The following RPL39L variants were observed in gnomAD, a reference collection of about 807,000 sequenced individuals.
RPL39L encodes the protein ribosomal protein L39 like.
For synonymous variants in RPL39L, 16 were observed against 20.1 expected (o/e 0.80, Z 0.55); for missense variants, 48 against 58.9 (o/e 0.81, Z 0.61).
At chr3:187,134,483 T>TAAAAAAAAGAAAAAAAAAAAAAAA (rs1720539115) in intron 1 of RPL39L, among the ~76,000 whole-genome samples, 2 of 93,406 alleles carry the variant, frequency 2.1e-5, no homozygotes, top group African/African-American at 8.5e-5. Context: ...GCCTGACTGA[T>TAAAAAAAAGAAAAAAAAAAAAAAA]AAAAAAAAAA....
intron 1 of RPL39L, among the ~76,000 whole-genome samples, chr3:187,137,123 C>A (rs765653582): frequency 7.2e-6 from 1 of 139,514 alleles, no homozygotes; most frequent in Non-Finnish European, 1.5e-5. Context: ...TGGCTTGAGC[C>A]GAGGAGATGA....
intron 1 of RPL39L, among the ~76,000 whole-genome samples, chr3:187,138,602 A>C (rs1720627753): frequency 6.6e-6 from 1 of 152,194 alleles, no homozygotes; most frequent in African/African-American, 2.4e-5. Context: ...ACCACTGATG[A>C]ATCAGTGCCA....
At chr3:187,124,347 C>G (rs1720362450) in intron 2 of RPL39L, among the ~76,000 whole-genome samples, 2 of 152,076 alleles carry the variant, frequency 1.3e-5, no homozygotes, top group South Asian at 4.2e-4. Context: ...ATTCTAGAAA[C>G]TGGATAGCCT....
chr3:187,131,662 C>CT (rs1339788951), intron 1 of RPL39L, among the ~76,000 whole-genome samples: 1 of 152,156 alleles, frequency 6.6e-6, no homozygotes, highest in Non-Finnish European at 1.5e-5. Context: ...CATGTTGTTC[C>CT]TTTTTTCTAA....
intron 2 of RPL39L, among the ~76,000 whole-genome samples, chr3:187,123,847 C>G (rs978418797): frequency 3.9e-5 from 6 of 152,214 alleles, no homozygotes; most frequent in African/African-American, 1.4e-4. Flanking sequence ...TCTGGAGACA[C>G]TTTGGGCTAG....
chr3:187,130,358 A>T (rs1007076431), intron 1 of RPL39L, among the ~76,000 whole-genome samples: 1 of 152,200 alleles, frequency 6.6e-6, no homozygotes, highest in Non-Finnish European at 1.5e-5. Flanking sequence ...CCCAAATCTC[A>T]TGTTGAATTG....
At chr3:187,124,426 G>A (rs1720364164) in intron 2 of RPL39L, among the ~76,000 whole-genome samples, 1 of 152,192 alleles carries the variant, frequency 6.6e-6, no homozygotes, top group Admixed American at 6.5e-5. Flanking sequence ...AAGCACATGT[G>A]GAGATGGAGG....
intron 1 of RPL39L, among the ~76,000 whole-genome samples, chr3:187,132,379 G>A (rs187808632): frequency 3.9e-4 from 60 of 152,270 alleles, no homozygotes; most frequent in Non-Finnish European, 7.4e-4. Context: ...AGTTTCTGGG[G>A]GTAAAGTATA....
At chr3:187,122,671 T>G (rs932397957) in intron 2 of RPL39L, among the ~76,000 whole-genome samples, 11 of 152,226 alleles carry the variant, frequency 7.2e-5, no homozygotes, top group Admixed American at 3.9e-4. Context: ...GGTATCTCTC[T>G]CAATACCTTT....
At chr3:187,125,944 C>T (rs1276145898) in intron 2 of RPL39L, among the ~76,000 whole-genome samples, 1 of 152,122 alleles carries the variant, frequency 6.6e-6, no homozygotes, top group Non-Finnish European at 1.5e-5. Context: ...TTGGAACCCA[C>T]TGAGTAAATA....
intron 1 of RPL39L, among the ~76,000 whole-genome samples, chr3:187,134,964 G>GT (rs1166571065): frequency 1.3e-5 from 2 of 152,226 alleles, no homozygotes; most frequent in Non-Finnish European, 2.9e-5. Context: ...GCTGTTGCAC[G>GT]TAAGAGTGAC....
At chr3:187,135,784 C>T (rs1320555073) in intron 1 of RPL39L, among the ~76,000 whole-genome samples, 3 of 152,196 alleles carry the variant, frequency 2.0e-5, no homozygotes, top group Admixed American at 1.3e-4. Flanking sequence ...CAACTTATAA[C>T]GAGTTTTATT....
chr3:187,134,496 A>AAAAAAAAAAAAAAAAAAAAAAAAAG (rs1362750015), intron 1 of RPL39L, among the ~76,000 whole-genome samples: 1 of 150,782 alleles, frequency 6.6e-6, no homozygotes, highest in Non-Finnish European at 1.5e-5. Context: ...AAAAAAAAAA[A>AAAAAAAAAAAAAAAAAAAAAAAAAG]AAAAAAGAAG....
intron 1 of RPL39L, among the ~76,000 whole-genome samples, chr3:187,135,569 A>G (rs1720561043): frequency 6.6e-6 from 1 of 152,178 alleles, no homozygotes; most frequent in Non-Finnish European, 1.5e-5. Flanking sequence ...TAAGCGCAAT[A>G]AACCTCCTTC....
At chr3:187,129,456 G>A (rs751883495) in intron 1 of RPL39L, among the ~76,000 whole-genome samples, 15 of 152,224 alleles carry the variant, frequency 9.9e-5, no homozygotes, top group South Asian at 6.2e-4. Flanking sequence ...ACATGGCCTC[G>A]GAATAGAGCT....
chr3:187,122,060 T>C (rs1164551923), intron 2 of RPL39L, among the ~76,000 whole-genome samples: 1 of 152,224 alleles, frequency 6.6e-6, no homozygotes, highest in South Asian at 2.1e-4. Context: ...AACATGCGAT[T>C]TGCTGTAAAA....
intron 1 of RPL39L, among the ~76,000 whole-genome samples, chr3:187,129,859 C>G (rs201353725): frequency 1.0e-5 from 1 of 100,288 alleles, no homozygotes. Flanking sequence ...TTTTTTTTTT[C>G]TTTTTTGCCT....
chr3:187,132,770 C>T lies in RPL39L; in HGVS notation c.-92-4708G>A, dbSNP rs537717799. ...ATAATTTTTCCTGAAACTCAGAGGA[C>T]TGAGGTTAGGAAGACCAACTGGACT... is the stretch of plus-strand genomic sequence containing the variant. On this transcript the variant is annotated intron_variant, in intron 1 of 2. Transcript: ENST00000296277. Among the ~76,000 whole-genome samples the T allele has an allele frequency of 7.9e-5, 12 of 152,296 alleles. No homozygotes were observed. In the South Asian group the frequency reaches 2.5e-3, roughly 32 times the overall value.
chr3:187,130,956 G>C (rs1432936860), intron 1 of RPL39L, among the ~76,000 whole-genome samples: 1 of 152,180 alleles, frequency 6.6e-6, no homozygotes, highest in Admixed American at 6.5e-5. Flanking sequence ...ATTTCATGCT[G>C]TTTGTTGACT....
Sources: gnomAD v4.1 joint callset for allele counts (sites outside exome capture counted in the v4.1 genomes callset) on GRCh38, gnomAD v4.1.1 for gene constraint, MANE v1.5 for transcripts, NCBI Gene and HGNC (gene_info 2026-07-23, HGNC 2026-07-21) for gene names.